LAMA2: variants seen among roughly 807,000 people sequenced by gnomAD.
LAMA2 encodes laminin subunit alpha 2.
A neutral mutation model predicts 364.8 loss-of-function variants in LAMA2; 269 were observed. The ratio of observed to expected loss-of-function variants is 0.74; its 90% confidence interval spans 0.67 to 0.82. LAMA2 has a LOEUF of 0.82. Ranked by LOEUF, LAMA2 falls within the 40% of genes least tolerant of loss-of-function variation. The pLI, the probability that LAMA2 is intolerant of heterozygous loss-of-function variation, is 0.00. For missense variants in LAMA2, 3,807 were observed against 3,873.2 expected (o/e 0.98, Z 0.45); for synonymous variants, 1,379 against 1,370.6 (o/e 1.01, Z -0.14).
At chr6:128,900,810 T>G (rs1777040993) in intron 1 of LAMA2, among the ~76,000 whole-genome samples, 1 of 152,164 alleles carries the variant, frequency 6.6e-6, no homozygotes, top group African/African-American at 2.4e-5. Flanking sequence ...ATCCATTTTT[T>G]GCAAAAATGA....
At chr6:128,962,185 TACACACATACACACACAC>T (rs1781577224) in intron 1 of LAMA2, among the ~76,000 whole-genome samples, 2 of 103,910 alleles carry the variant, frequency 1.9e-5, no homozygotes, top group Non-Finnish European at 2.0e-5. Context: ...TATATATATA[TACACACATACACACACAC>T]ATACACATAT....
intron 35 of LAMA2, among the ~76,000 whole-genome samples, chr6:129,386,797 A>G (rs750278927): frequency 2.6e-5 from 4 of 152,212 alleles, no homozygotes; most frequent in Non-Finnish European, 4.4e-5. Flanking sequence ...AAAGTAGCAC[A>G]CATACCAAAA....
chr6:129,138,700 T>C (rs1179389213), intron 4 of LAMA2, among the ~76,000 whole-genome samples: 3 of 152,138 alleles, frequency 2.0e-5, no homozygotes, highest in African/African-American at 7.2e-5. Context: ...CAGTGAAAGC[T>C]TTCTGATAAG....
At chr6:128,905,735 TA>T (rs1335575980) in intron 1 of LAMA2, among the ~76,000 whole-genome samples, 1 of 151,918 alleles carries the variant, frequency 6.6e-6, no homozygotes, top group Non-Finnish European at 1.5e-5. Context: ...CTGCACCCAC[TA>T]ACTCGTCATC....
chr6:128,889,391 A>G (rs749950245), intron 1 of LAMA2, among the ~76,000 whole-genome samples: 1 of 152,140 alleles, frequency 6.6e-6, no homozygotes, highest in African/African-American at 2.4e-5. Context: ...AACTTATTCT[A>G]TGTTCTGTTT....
intron 12 of LAMA2, among the ~76,000 whole-genome samples, chr6:129,200,484 ATGTG>A (rs1782213234): frequency 6.6e-6 from 1 of 150,848 alleles, no homozygotes; most frequent in Admixed American, 6.6e-5. Flanking sequence ...ATGTATATAT[ATGTG>A]TATGTACACA....
intron 28 of LAMA2, among the ~76,000 whole-genome samples, chr6:129,326,999 T>C (rs967903508): frequency 2.6e-4 from 39 of 151,602 alleles, no homozygotes; most frequent in Non-Finnish European, 5.9e-5. Flanking sequence ...GAACCTTGCT[T>C]TTTAAATAAT....
chr6:128,927,158 C>A (rs1436685763), intron 1 of LAMA2, among the ~76,000 whole-genome samples: 1 of 152,144 alleles, frequency 6.6e-6, no homozygotes, highest in Non-Finnish European at 1.5e-5. Flanking sequence ...TAAAGCATTT[C>A]CTGGTCAACA....
At chr6:129,170,697 T>A (rs1057155435) in intron 9 of LAMA2, among the ~76,000 whole-genome samples, 8 of 152,218 alleles carry the variant, frequency 5.3e-5, no homozygotes, top group East Asian at 3.9e-4. Context: ...TGCAGAGCTG[T>A]GTTCAATTCC....
intron 34 of LAMA2, among the ~76,000 whole-genome samples, chr6:129,381,877 T>G (rs529495194): frequency 6.6e-6 from 1 of 152,220 alleles, no homozygotes. Context: ...GATGAGAAGT[T>G]AGATGATAAT....
chr6:129,318,492 G>A (rs1442134750), intron 27 of LAMA2, among the ~76,000 whole-genome samples: 2 of 152,108 alleles, frequency 1.3e-5, no homozygotes, highest in Non-Finnish European at 2.9e-5. Context: ...ACACTTGCGG[G>A]TCTGTTATGT....
At chr6:129,331,470 C>G (rs1445557476) in intron 29 of LAMA2, among the ~76,000 whole-genome samples, 2 of 152,046 alleles carry the variant, frequency 1.3e-5, no homozygotes, top group Non-Finnish European at 2.9e-5. Context: ...GTAACAAGCT[C>G]CCACTACTGC....
rs7771864 is a variant in LAMA2 at position 129,198,237 on chromosome 6, A to T, written c.1782+5384A>T. On this transcript the variant is annotated intron_variant, in intron 12 of 64. Coordinates refer to ENST00000421865, the MANE Select transcript of LAMA2 (RefSeq NM_000426.4). Reference sequence around the variant, plus strand: ...ACGCATGTCACCTAATATTATTATTAAATATTATTAAATATTATTAATATT... The same window carrying T: ...ACGCATGTCACCTAATATTATTATTTAATATTATTAAATATTATTAATATT... Among the ~76,000 whole-genome samples, 1,080 of 132,336 alleles carry T rather than the reference A, an allele frequency of 8.2e-3. 13 individuals carry two copies. The highest frequency in any genetic ancestry group is 0.033 in the African/African-American group (1,050 of 31,622). 86.8% of individuals were successfully genotyped at this position (132,336 alleles called of 152,430 possible). A position where few individuals can be genotyped will look rare whatever the true frequency, so the allele number is the denominator to read the frequency against.
intron 46 of LAMA2, 23 bp downstream of exon 46, chr6:129,453,154 C>T: frequency 6.2e-7 from 1 of 1,602,084 alleles, no homozygotes; most frequent in Non-Finnish European, 8.5e-7. Flanking sequence ...TTCAACTTTT[C>T]ATTAGGCTGC....
At chr6:128,947,994 A>G (rs1215544187) in intron 1 of LAMA2, among the ~76,000 whole-genome samples, 1 of 152,134 alleles carries the variant, frequency 6.6e-6, no homozygotes, top group African/African-American at 2.4e-5. Context: ...ATCTTTTGAG[A>G]CTATAAGAAA....
chr6:129,252,492 C>T (rs1188584560), intron 14 of LAMA2, among the ~76,000 whole-genome samples, 197 bp downstream of exon 14: 2 of 152,054 alleles, frequency 1.3e-5, no homozygotes, highest in East Asian at 1.9e-4. Context: ...AAATTTGTCT[C>T]GGTTTTTATT....
chr6:129,488,327 A>G (rs1784698393), intron 56 of LAMA2, among the ~76,000 whole-genome samples: 1 of 152,172 alleles, frequency 6.6e-6, no homozygotes, highest in African/African-American at 2.4e-5. Context: ...ACAAAACAAA[A>G]CAAAAACATT....
At chr6:129,275,266 TTGTTTTATGTGCACA>T (rs1788223695) in intron 17 of LAMA2, among the ~76,000 whole-genome samples, 1 of 152,028 alleles carries the variant, frequency 6.6e-6, no homozygotes, top group South Asian at 2.1e-4. Flanking sequence ...TTCCTACACA[TTGTTTTATGTGCACA>T]TGGGAGATTA....
intron 3 of LAMA2, among the ~76,000 whole-genome samples, chr6:129,070,154 G>A (rs889097987): frequency 6.6e-6 from 1 of 152,014 alleles, no homozygotes; most frequent in Non-Finnish European, 1.5e-5. Flanking sequence ...CTTCAATTTG[G>A]TCTAGTGTAA....
Sources: allele counts gnomAD v4.1 joint callset (sites outside exome capture counted in the v4.1 genomes callset), GRCh38; gene constraint gnomAD v4.1.1; transcripts MANE v1.5; gene names NCBI Gene and HGNC (gene_info 2026-07-23, HGNC 2026-07-21).